Variants in UNC13C observed in about 807,000 individuals in gnomAD.
The protein encoded by UNC13C is unc-13 homolog C.
A neutral mutation model predicts 245.4 loss-of-function variants in UNC13C; 174 were observed. That is an observed-to-expected ratio of 0.71 (90% CI 0.63 to 0.80). UNC13C has a LOEUF of 0.80. Among genes scored for constraint, UNC13C ranks in the 30% least tolerant of loss-of-function variants. The probability of loss-of-function intolerance (pLI) is 0.00; values close to 1 mark genes in which losing one functional copy is unlikely to be tolerated. For synonymous variants in UNC13C, 992 were observed against 895.1 expected, an observed-to-expected ratio of 1.11 and a Z score of -1.93; for missense variants, 2,829 against 2,602.9, an observed-to-expected ratio of 1.09 and a Z score of -1.89.
At chr15:54,606,639 A>G (rs79193053) in intron 30 of UNC13C, among the ~76,000 whole-genome samples, 1,781 of 152,328 alleles carry the variant, frequency 0.012, 34 homozygotes, top group African/African-American at 0.04. Flanking sequence ...CAATCCTCGT[A>G]GTACCATAAA....
chr15:54,111,817 G>A (rs1288384874), intron 2 of UNC13C, among the ~76,000 whole-genome samples: 1 of 152,160 alleles, frequency 6.6e-6, no homozygotes, highest in African/African-American at 2.4e-5. Flanking sequence ...TGAACAGTGA[G>A]ACATGAAGGG....
chr15:54,441,367 A>G (rs1015361852), intron 19 of UNC13C, among the ~76,000 whole-genome samples: 3 of 152,066 alleles, frequency 2.0e-5, no homozygotes, highest in African/African-American at 4.8e-5. Flanking sequence ...ATAGGGGTCC[A>G]GTTTCGTTCT....
chr15:53,848,091 G>A, the UNC13C span, among the ~76,000 whole-genome samples: 1 of 118,732 alleles, frequency 8.4e-6, no homozygotes, highest in Admixed American at 8.1e-5. Context: ...TGATTTATTT[G>A]TATTCTCTCT....
rs186108621 is a variant in UNC13C, at chr15:54,301,976, C to G, written c.4268+1603C>G. Among the ~76,000 whole-genome samples the G allele has an allele frequency of 5.1e-4, 77 of 152,236 alleles. No homozygotes were observed. The East Asian group carries it at 0.014, about 28-fold the overall frequency. On this transcript the variant is annotated intron_variant, in intron 13 of 32. Transcript: ENST00000260323. ...TTGTTTCCTGACTTTTTAATGATCACCATTCTAACTGGCATGTGATGGTAT... is the reference window on the plus strand; with the variant it reads ...TTGTTTCCTGACTTTTTAATGATCAGCATTCTAACTGGCATGTGATGGTAT...
chr15:54,069,418 T>C (rs907527511), intron 2 of UNC13C, among the ~76,000 whole-genome samples: 8 of 152,200 alleles, frequency 5.3e-5, no homozygotes, highest in African/African-American at 1.9e-4. Context: ...ACAAGTGTGT[T>C]TGAATCCTGA....
chr15:54,337,958 C>G (rs2038632951), intron 16 of UNC13C, among the ~76,000 whole-genome samples: 1 of 152,156 alleles, frequency 6.6e-6, no homozygotes, highest in Non-Finnish European at 1.5e-5. Flanking sequence ...CATGCATCAT[C>G]ATGTAATATA....
At chr15:54,274,256 C>G (rs2036770503) in intron 10 of UNC13C, among the ~76,000 whole-genome samples, 1 of 152,054 alleles carries the variant, frequency 6.6e-6, no homozygotes, top group African/African-American at 2.4e-5. Context: ...TATTTGAAAG[C>G]TGGGCAAAAG....
At chr15:54,111,398 T>A (rs1900763308) in intron 2 of UNC13C, among the ~76,000 whole-genome samples, 2 of 152,230 alleles carry the variant, frequency 1.3e-5, no homozygotes, top group African/African-American at 4.8e-5. Flanking sequence ...AGAGAGAAAC[T>A]ATTTTTGTAA....
Position 54,138,953 on chromosome 15 carries a change from A to ATTTTTTTTTTTTTTTTTTTTTTTT in UNC13C, c.2984-4063_2984-4040dup, listed in dbSNP as rs56255946. Among the ~76,000 whole-genome samples, 54 of 48,638 alleles carry ATTTTTTTTTTTTTTTTTTTTTTTT rather than the reference A, an allele frequency of 1.1e-3. 17 individuals are homozygous for ATTTTTTTTTTTTTTTTTTTTTTTT. The highest frequency in any genetic ancestry group is 2.3e-3 in the East Asian group (3 of 1,278). The allele number at this position is 48,638 out of a possible 152,430, so 31.9% of individuals were successfully genotyped here. A position where few individuals can be genotyped will look rare whatever the true frequency, so the allele number is the denominator to read the frequency against. On this transcript the variant is annotated intron_variant, in intron 2 of 32. Transcript: ENST00000260323. ...TGCATATATCTCCAAATTTCCCCTA[A>ATTTTTTTTTTTTTTTTTTTTTTTT]TTTTTTTTTTTTTTTTTTTTTTTTT...
chr15:54,096,524 C>T (rs558698010), intron 2 of UNC13C, among the ~76,000 whole-genome samples: 6 of 152,262 alleles, frequency 3.9e-5, no homozygotes, highest in South Asian at 2.1e-4. Flanking sequence ...CCAACTCTCA[C>T]GCTTTCTTCA....
chr15:53,851,210 C>T, the UNC13C span, among the ~76,000 whole-genome samples: 1 of 151,886 alleles, frequency 6.6e-6, no homozygotes, highest in Non-Finnish European at 1.5e-5. Flanking sequence ...TGACATTTTT[C>T]CCACCTCTTT....
At chr15:53,971,137 G>T in the UNC13C span, among the ~76,000 whole-genome samples, 2 of 152,052 alleles carry the variant, frequency 1.3e-5, no homozygotes, top group Admixed American at 6.6e-5. Flanking sequence ...TATTCTCATT[G>T]GGCATTTGTA....
Position 53,985,957 on chromosome 15 carries a change from G to A in UNC13C, c.-257+7030G>A, listed in dbSNP as rs562852887. ...TACCTCCCTCCTGAGCACATCGAAT[G>A]TGTTTATGTTGTTGTTTCTACTACT... On this transcript the variant is annotated intron_variant, in intron 1 of 32. Transcript: ENST00000260323. Among the ~76,000 whole-genome samples the A allele has an allele frequency of 5.9e-4, 89 of 151,990 alleles. 1 individual carries two copies. Among genetic ancestry groups the A allele is most frequent in the Middle Eastern group, 3.2e-3 (1 of 314 alleles).
the UNC13C span, among the ~76,000 whole-genome samples, chr15:53,860,594 C>T: frequency 2.6e-5 from 4 of 152,192 alleles, no homozygotes; most frequent in East Asian, 1.9e-4. Context: ...CTGAAATAGC[C>T]CTATTTGAAG....
At chr15:54,273,787 A>G (rs2036755960) in intron 10 of UNC13C, among the ~76,000 whole-genome samples, 1 of 152,160 alleles carries the variant, frequency 6.6e-6, no homozygotes, top group African/African-American at 2.4e-5. Context: ...TACTTGGTTC[A>G]TTCCCTCACT....
At chr15:54,441,173 A>G (rs1405045396) in intron 19 of UNC13C, among the ~76,000 whole-genome samples, 1 of 152,006 alleles carries the variant, frequency 6.6e-6, no homozygotes, top group Admixed American at 6.6e-5. Context: ...ATATAGTCCC[A>G]GTCCCATTTG....
chr15:54,193,039 C>T (rs1218317741), intron 4 of UNC13C, among the ~76,000 whole-genome samples: 2 of 152,054 alleles, frequency 1.3e-5, no homozygotes, highest in Non-Finnish European at 2.9e-5. Context: ...ATTACCAATG[C>T]CCCACTATTA....
At chr15:54,612,635 C>A (rs1285422865) in intron 30 of UNC13C, among the ~76,000 whole-genome samples, 1 of 151,976 alleles carries the variant, frequency 6.6e-6, no homozygotes, top group Non-Finnish European at 1.5e-5. Flanking sequence ...TGACTCCATT[C>A]ATTTACTCTA....
At chr15:54,374,820 A>T (rs1418057781) in intron 17 of UNC13C, among the ~76,000 whole-genome samples, 1 of 152,212 alleles carries the variant, frequency 6.6e-6, no homozygotes, top group African/African-American at 2.4e-5. Flanking sequence ...TCATCTTCAC[A>T]ACAGCCTCTC....
Sources: gnomAD v4.1 joint callset for allele counts (sites outside exome capture counted in the v4.1 genomes callset) on GRCh38, gnomAD v4.1.1 for gene constraint, MANE v1.5 for transcripts, NCBI Gene and HGNC (gene_info 2026-07-23, HGNC 2026-07-21) for gene names.